CEP63: variants seen among roughly 807,000 people sequenced by gnomAD.
The protein encoded by CEP63 is centrosomal protein 63, also known as centrosomal protein of 63 kDa.
Under a neutral mutation model 89.1 loss-of-function variants are expected in CEP63, and 84 were observed. The ratio of observed to expected loss-of-function variants is 0.94; its 90% CI spans 0.79 to 1.13. The LOEUF is 1.13. CEP63 is among the 50% of genes most tolerant of loss of function. The pLI, the probability that CEP63 is intolerant of heterozygous loss-of-function variation, is 0.00. For missense variants in CEP63, 838 were observed against 813.3 expected, an observed-to-expected ratio of 1.03 and a Z score of -0.37; for synonymous variants, 267 against 272.5, an observed-to-expected ratio of 0.98 and a Z score of 0.20.
At chr3:134,486,007 C>T (rs577710247), upstream of CEP63, 85 of 985,218 alleles carry the variant, frequency 8.6e-5, no homozygotes, top group African/African-American at 2.3e-4. Context: ...CCCCCCTCCC[C>T]CGCATCACGT....
chr3:134,526,663 G>A (rs77772918), intron 3 of CEP63, among the ~76,000 whole-genome samples: 4,036 of 152,214 alleles, frequency 0.027, 173 homozygotes, highest in African/African-American at 0.092. Flanking sequence ...TTGTTTGGAG[G>A]AAGGAAGATA....
chr3:134,528,761 T>C (rs1949257971), intron 3 of CEP63, among the ~76,000 whole-genome samples: 1 of 152,226 alleles, frequency 6.6e-6, no homozygotes, highest in African/African-American at 2.4e-5. Flanking sequence ...TGCTAAAAGC[T>C]ATTGCTCATT....
At chr3:134,691,114 G>A in the CEP63 span, among the ~76,000 whole-genome samples, 2 of 152,212 alleles carry the variant, frequency 1.3e-5, no homozygotes, top group African/African-American at 4.8e-5. Flanking sequence ...CAGCACTTTG[G>A]GAAGCTGAGG....
At chr3:134,499,207 A>G (rs910209503) in intron 2 of CEP63, among the ~76,000 whole-genome samples, 8 of 152,132 alleles carry the variant, frequency 5.3e-5, no homozygotes, top group African/African-American at 1.9e-4. Context: ...TGGTTCAGTC[A>G]TGTTACTCAT....
At chr3:134,581,867 G>A (rs1450008730) in intron 10 of CEP63, among the ~76,000 whole-genome samples, 1 of 151,034 alleles carries the variant, frequency 6.6e-6, no homozygotes, top group East Asian at 2.0e-4. Flanking sequence ...AGTAGAGACG[G>A]GGTTTCACCG....
chr3:134,735,621 A>AT, the CEP63 span, among the ~76,000 whole-genome samples: 3 of 152,096 alleles, frequency 2.0e-5, no homozygotes, highest in African/African-American at 7.2e-5. Flanking sequence ...GGTAACTCAA[A>AT]TTTTTCACCA....
At chr3:134,511,982 A>G (rs565577652) in intron 3 of CEP63, among the ~76,000 whole-genome samples, 3 of 152,366 alleles carry the variant, frequency 2.0e-5, no homozygotes, top group East Asian at 1.9e-4. Flanking sequence ...TGACAGGTCC[A>G]TGATGAGATT....
At chr3:134,604,636 A>G in the CEP63 span, among the ~76,000 whole-genome samples, 780 of 152,322 alleles carry the variant, frequency 5.1e-3, 2 homozygotes, top group South Asian at 9.1e-3. Context: ...TCAAGCAACC[A>G]ATATGACTTC....
At chr3:134,576,559 G>A (rs1282973544), downstream of CEP63, among the ~76,000 whole-genome samples, 1 of 152,258 alleles carries the variant, frequency 6.6e-6, no homozygotes, top group Admixed American at 6.5e-5. Context: ...GAGAGGTAGG[G>A]CCTCAAAGCC....
intron 6 of CEP63, among the ~76,000 whole-genome samples, chr3:134,543,332 T>C (rs1297465830): frequency 6.6e-6 from 1 of 152,246 alleles, no homozygotes; most frequent in Non-Finnish European, 1.5e-5. Context: ...TGTGGGTGAC[T>C]GCAATGGTAT....
intron 10 of CEP63, among the ~76,000 whole-genome samples, chr3:134,585,122 C>A (rs6774883): frequency 6.6e-6 from 1 of 151,936 alleles, no homozygotes; most frequent in East Asian, 1.9e-4. Flanking sequence ...ATTTTGTTGA[C>A]CTTTTCAAAA....
the CEP63 span, among the ~76,000 whole-genome samples, chr3:134,634,298 T>C: frequency 6.6e-6 from 1 of 151,806 alleles, no homozygotes; most frequent in Admixed American, 6.6e-5. Context: ...ATAACTAAAC[T>C]AATTTTGAAA....
chr3:134,761,383 T>TG, the CEP63 span, among the ~76,000 whole-genome samples: 1 of 152,204 alleles, frequency 6.6e-6, no homozygotes, highest in Non-Finnish European at 1.5e-5. Flanking sequence ...GGTCAGGACT[T>TG]GGACTCCCTC....
At chr3:134,578,322 GTTTTTTTT>G (rs71139542), downstream of CEP63, among the ~76,000 whole-genome samples, 4 of 62,076 alleles carry the variant, frequency 6.4e-5, no homozygotes, top group African/African-American at 1.9e-4. Context: ...TCTGACTTGT[GTTTTTTTT>G]TTTTTTTTTT....
At chr3:134,547,621 T>TTTTTTTTTTTTTTTTC in intron 9 of CEP63, 149 bp downstream of exon 9, 1 of 500,404 alleles carries the variant, frequency 2.0e-6, no homozygotes, top group Non-Finnish European at 3.4e-6. Flanking sequence ...TTTCTTTTTT[T>TTTTTTTTTTTTTTTTC]TTTTTTTTGA....
intron 1 of CEP63, among the ~76,000 whole-genome samples, chr3:134,490,068 C>G (rs535978493): frequency 2.2e-4 from 33 of 152,060 alleles, no homozygotes; most frequent in Middle Eastern, 3.4e-3. Flanking sequence ...TCTTTTGAGT[C>G]TGAGATAGTA....
intron 11 of CEP63, 89 bp downstream of exon 11, chr3:134,550,349 A>G (rs1954535185): frequency 1.0e-5 from 13 of 1,297,334 alleles, no homozygotes; most frequent in Non-Finnish European, 1.4e-5. Flanking sequence ...TATTTAATTC[A>G]GTGAATTTTT....
the CEP63 span, among the ~76,000 whole-genome samples, chr3:134,592,833 G>A: frequency 2.6e-5 from 4 of 152,022 alleles, no homozygotes; most frequent in Admixed American, 2.6e-4. Context: ...CGAGTGGAAG[G>A]TTTTCTTTTT....
At chr3:134,558,713 C>T (rs1202539658) in intron 13 of CEP63, among the ~76,000 whole-genome samples, 4 of 152,102 alleles carry the variant, frequency 2.6e-5, no homozygotes, top group East Asian at 1.9e-4. Context: ...AGGCTGTTAC[C>T]GTAAGAAATA....
Sources: allele counts gnomAD v4.1 joint callset (sites outside exome capture counted in the v4.1 genomes callset), GRCh38; gene constraint gnomAD v4.1.1; transcripts MANE v1.5; gene names NCBI Gene and HGNC (gene_info 2026-07-23, HGNC 2026-07-21).